The following VAV3 variants were observed in gnomAD, a reference collection of about 807,000 sequenced individuals.
VAV3 encodes the protein vav guanine nucleotide exchange factor 3.
Under a neutral mutation model 131.2 loss-of-function variants are expected in VAV3, and 94 were observed. The observed-to-expected ratio is 0.72, with a 90% confidence interval of 0.61 to 0.85. The LOEUF (loss-of-function observed/expected upper bound fraction) is 0.85, where lower values mean the gene tolerates loss of function less well. Among genes scored for constraint, VAV3 ranks in the 40% least tolerant of loss-of-function variants. The pLI is 0.00. For synonymous variants in VAV3, 349 were observed against 342.0 expected (o/e 1.02, Z -0.22); for missense variants, 939 against 1,002.7 (o/e 0.94, Z 0.86).
At chr1:107,661,949 T>A (rs1289535707) in intron 19 of VAV3, among the ~76,000 whole-genome samples, 1 of 152,184 alleles carries the variant, frequency 6.6e-6, no homozygotes, top group Non-Finnish European at 1.5e-5. Context: ...GAGGAAGGTA[T>A]TTTCCTCTCC....
chr1:107,833,650 G>C (rs188114499), intron 2 of VAV3, among the ~76,000 whole-genome samples: 4 of 152,160 alleles, frequency 2.6e-5, no homozygotes, highest in African/African-American at 9.6e-5. Flanking sequence ...TTCAAGGGAT[G>C]AGTTCTGAAT....
At chr1:107,680,742 CA>C (rs1658542705) in intron 19 of VAV3, among the ~76,000 whole-genome samples, 1 of 152,088 alleles carries the variant, frequency 6.6e-6, no homozygotes, top group Non-Finnish European at 1.5e-5. Context: ...ATGCTCACAA[CA>C]ACAACGTAAG....
At chr1:107,830,096 T>C (rs567764426) in intron 2 of VAV3, among the ~76,000 whole-genome samples, 9 of 152,342 alleles carry the variant, frequency 5.9e-5, no homozygotes, top group African/African-American at 2.2e-4. Context: ...CAGCAGGCTT[T>C]AAAGGCCATT....
chr1:107,659,791 A>G (rs1281159254), intron 19 of VAV3, among the ~76,000 whole-genome samples: 2 of 152,174 alleles, frequency 1.3e-5, no homozygotes, highest in Non-Finnish European at 2.9e-5. Flanking sequence ...TACATGAGTT[A>G]AAACCTGCAA....
chr1:107,637,639 A>G (rs1655033580), intron 20 of VAV3, among the ~76,000 whole-genome samples: 1 of 152,182 alleles, frequency 6.6e-6, no homozygotes, highest in South Asian at 2.1e-4. Context: ...CTCAAAATAA[A>G]CAAACAAACA....
At chr1:107,808,967 A>G (rs1445354511) in intron 2 of VAV3, among the ~76,000 whole-genome samples, 2 of 152,276 alleles carry the variant, frequency 1.3e-5, no homozygotes, top group Admixed American at 1.3e-4. Context: ...AATAATGCCA[A>G]TCGATGAAGG....
At chr1:107,703,858 A>G (rs1440433568) in intron 17 of VAV3, among the ~76,000 whole-genome samples, 1 of 152,202 alleles carries the variant, frequency 6.6e-6, no homozygotes, top group South Asian at 2.1e-4. Flanking sequence ...AGAAAAAAGA[A>G]GAAAGGGAAG....
intron 23 of VAV3, 81 bp downstream of exon 23, chr1:107,602,966 T>A: frequency 8.9e-7 from 1 of 1,120,000 alleles, no homozygotes; most frequent in Non-Finnish European, 1.3e-6. Flanking sequence ...GGTTTTCACC[T>A]TCAGTGTTAT....
At chr1:107,616,361 T>G (rs1653153037) in intron 21 of VAV3, among the ~76,000 whole-genome samples, 1 of 152,104 alleles carries the variant, frequency 6.6e-6, no homozygotes, top group Non-Finnish European at 1.5e-5. Flanking sequence ...AACAATGTTC[T>G]CATTTATAAG....
At chr1:107,952,489 C>CATATATATGTATATATATATATATATAT (rs1557943637) in intron 1 of VAV3, among the ~76,000 whole-genome samples, 1 of 133,636 alleles carries the variant, frequency 7.5e-6, no homozygotes, top group Non-Finnish European at 1.5e-5. Context: ...TATATATACA[C>CATATATATGTATATATATATATATATAT]ACATAAATTC....
At chr1:107,702,554 A>G (rs1485816831) in intron 17 of VAV3, among the ~76,000 whole-genome samples, 1 of 152,238 alleles carries the variant, frequency 6.6e-6, no homozygotes, top group African/African-American at 2.4e-5. Context: ...ATGTAAGGAC[A>G]GAGTACATTG....
intron 1 of VAV3, among the ~76,000 whole-genome samples, chr1:107,938,817 A>G (rs1278868681): frequency 6.6e-6 from 1 of 152,250 alleles, no homozygotes. Context: ...ATTTATCTGC[A>G]CATATGGACA....
At chr1:107,698,065 C>T (rs539778260) in intron 17 of VAV3, among the ~76,000 whole-genome samples, 36 of 152,258 alleles carry the variant, frequency 2.4e-4, no homozygotes, top group East Asian at 1.9e-3. Context: ...GAAACTTAGA[C>T]AGATTGCATA....
intron 1 of VAV3, among the ~76,000 whole-genome samples, chr1:107,960,048 C>G (rs1415406169): frequency 1.3e-5 from 2 of 152,238 alleles, no homozygotes; most frequent in Non-Finnish European, 2.9e-5. Context: ...TTCCCACCAT[C>G]TGCCCTGCTA....
intron 2 of VAV3, among the ~76,000 whole-genome samples, chr1:107,790,251 C>G (rs1238044357): frequency 3.3e-5 from 5 of 152,212 alleles, no homozygotes; most frequent in Non-Finnish European, 2.9e-5. Flanking sequence ...TCCCATTTCC[C>G]CACTGCCTAC....
chr1:107,908,284 T>G (rs1421156134), intron 1 of VAV3, among the ~76,000 whole-genome samples: 1 of 152,168 alleles, frequency 6.6e-6, no homozygotes, highest in Non-Finnish European at 1.5e-5. Flanking sequence ...TATACATGGC[T>G]TCTGGGTAAA....
intron 1 of VAV3, among the ~76,000 whole-genome samples, chr1:107,960,431 A>T (rs903419438): frequency 6.6e-6 from 1 of 151,974 alleles, no homozygotes; most frequent in African/African-American, 2.4e-5. Context: ...AGGCCACTGC[A>T]CGCCAACTTG....
chr1:107,779,976 T>C (rs1665601837), intron 2 of VAV3, among the ~76,000 whole-genome samples: 1 of 152,220 alleles, frequency 6.6e-6, no homozygotes, highest in South Asian at 2.1e-4. Flanking sequence ...TGTAATGAAC[T>C]ACACAGTTAT....
At chr1:107,634,323 C>A (rs1654738214) in intron 20 of VAV3, among the ~76,000 whole-genome samples, 1 of 152,090 alleles carries the variant, frequency 6.6e-6, no homozygotes, top group Non-Finnish European at 1.5e-5. Flanking sequence ...TGCCACATAT[C>A]TACAACCATC....
Sources: allele counts gnomAD v4.1 joint callset (sites outside exome capture counted in the v4.1 genomes callset), GRCh38; gene constraint gnomAD v4.1.1; transcripts MANE v1.5; gene names NCBI Gene and HGNC (gene_info 2026-07-23, HGNC 2026-07-21).